The following PAPPA2 variants were observed in gnomAD, a reference collection of about 807,000 sequenced individuals.
PAPPA2 encodes the protein pappalysin-2.
A neutral mutation model predicts 176.4 loss-of-function variants in PAPPA2; 86 were observed. That is an observed-to-expected ratio of 0.49 (90% confidence interval 0.41 to 0.58). The LOEUF is 0.58. Among genes scored for constraint, PAPPA2 ranks in the 20% least tolerant of loss-of-function variants. The pLI, the probability that PAPPA2 is intolerant of heterozygous loss-of-function variation, is 0.00. For synonymous variants in PAPPA2, 809 were observed against 852.2 expected, an observed-to-expected ratio of 0.95 and a Z score of 0.88; for missense variants, 2,073 against 2,256.9, an observed-to-expected ratio of 0.92 and a Z score of 1.65.
chr1:176,825,994 G>T, intron 21 of PAPPA2, among the ~76,000 whole-genome samples: 1 of 152,102 alleles, frequency 6.6e-6, no homozygotes, highest in East Asian at 1.9e-4. Context: ...AGCATTCCAC[G>T]TCACGCTATG....
rs75132062 is a variant in PAPPA2, at chr1:176,470,541, C to T, written c.-917+7123C>T. ...AATGATCAGGCCAGTAGACACCAGCCAGAAATTAGGCTGACTCTAGGCTGC... is the reference window on the plus strand; with the variant it reads ...AATGATCAGGCCAGTAGACACCAGCTAGAAATTAGGCTGACTCTAGGCTGC... On this transcript the variant is annotated intron_variant, in intron 1 of 22. Coordinates refer to ENST00000367662, the MANE Select transcript of PAPPA2 (RefSeq NM_020318.3). Among the ~76,000 whole-genome samples the T allele has an allele frequency of 2.8e-3, 427 of 152,180 alleles. 2 individuals carry two copies. Among genetic ancestry groups the T allele is most frequent in the Non-Finnish European group, 2.6e-3 (180 of 68,006 alleles).
In PAPPA2 at chr1:176,594,826, C is replaced by T; in HGVS notation, c.1222C>T (p.Leu408=). ...CATGGCATCTTGCCGCTCTTTGCTC[C>T]TGGGGGGAGACAGCTCTGAGGATGG... ...PFMASCRSLL[L]GGDSSEDGHY... The change falls in exon 3 of 23, where the codon CTG becomes TTG. Residue 408 remains leucine (L), a synonymous_variant. Coordinates refer to ENST00000367662, the MANE Select transcript of PAPPA2 (RefSeq NM_020318.3). 1 of 1,614,212 alleles carries T rather than the reference C, an allele frequency of 6.2e-7. No homozygotes were observed. The highest frequency in any genetic ancestry group is 8.5e-7 in the Non-Finnish European group (1 of 1,180,036).
At chr1:176,531,141 A>G (rs536887721) in intron 1 of PAPPA2, among the ~76,000 whole-genome samples, 1 of 152,336 alleles carries the variant, frequency 6.6e-6, no homozygotes, top group South Asian at 2.1e-4. Context: ...CTTTTGATGT[A>G]AACAGGAGTG....
chr1:176,755,146 C>T (rs972134360), intron 14 of PAPPA2, among the ~76,000 whole-genome samples: 12 of 152,254 alleles, frequency 7.9e-5, no homozygotes, highest in African/African-American at 2.4e-4. Flanking sequence ...GACTGACAAA[C>T]TCTAGGATTA....
At chr1:176,618,215 C>G (rs1053331346) in intron 3 of PAPPA2, among the ~76,000 whole-genome samples, 1 of 152,052 alleles carries the variant, frequency 6.6e-6, no homozygotes, top group Non-Finnish European at 1.5e-5. Context: ...TAAGCTAAAC[C>G]TTGAACTTGG....
At chr1:176,586,347 G>C (rs1220989632) in intron 2 of PAPPA2, among the ~76,000 whole-genome samples, 4 of 152,046 alleles carry the variant, frequency 2.6e-5, no homozygotes, top group Admixed American at 2.0e-4. Flanking sequence ...AAAAAATAGG[G>C]ATACATGTGC....
chr1:176,600,730 C>G (rs1288025030), intron 3 of PAPPA2, among the ~76,000 whole-genome samples: 1 of 149,438 alleles, frequency 6.7e-6, no homozygotes, highest in Non-Finnish European at 1.5e-5. Flanking sequence ...TTCCATTATA[C>G]TGTTACTCTG....
intron 12 of PAPPA2, among the ~76,000 whole-genome samples, chr1:176,727,191 T>A (rs1195990196): frequency 6.6e-6 from 1 of 151,988 alleles, no homozygotes; most frequent in African/African-American, 2.4e-5. Flanking sequence ...CAACAGAAAA[T>A]AAATACCAAG....
intron 1 of PAPPA2, among the ~76,000 whole-genome samples, chr1:176,539,603 C>T (rs1650262028): frequency 1.3e-5 from 2 of 152,164 alleles, no homozygotes; most frequent in African/African-American, 4.8e-5. Flanking sequence ...GGTTATGACT[C>T]CAGCTGAGTG....
chr1:176,546,325 A>T (rs1381681481), intron 1 of PAPPA2, among the ~76,000 whole-genome samples: 1 of 152,042 alleles, frequency 6.6e-6, no homozygotes, highest in Non-Finnish European at 1.5e-5. Context: ...GTGTTACTTT[A>T]TTTTCTCTTC....
Position 176,616,167 on chromosome 1 carries a change from C to T in PAPPA2, c.1991+20572C>T, listed in dbSNP as rs879839185. ...CTGCCTGTCAGTACTCCTATGGAAGCTTCATTAGACTTACTCGCTAAGCCA... is the reference window on the plus strand; with the variant it reads ...CTGCCTGTCAGTACTCCTATGGAAGTTTCATTAGACTTACTCGCTAAGCCA... On this transcript the variant is annotated intron_variant, in intron 3 of 22. Coordinates refer to ENST00000367662, the MANE Select transcript of PAPPA2 (RefSeq NM_020318.3). The T allele has an allele frequency of 2.4e-5, 8 of 332,456 alleles. No homozygotes were observed. In the Admixed American group the frequency reaches 2.7e-4, roughly 11 times the overall value. 20.6% of individuals were successfully genotyped at this position (332,456 alleles called of 1,614,324 possible).
intron 3 of PAPPA2, among the ~76,000 whole-genome samples, chr1:176,602,670 G>A (rs1654395420): frequency 6.6e-6 from 1 of 152,024 alleles, no homozygotes; most frequent in African/African-American, 2.4e-5. Flanking sequence ...GTAGAAGAGG[G>A]CAGGAAGAAA....
chr1:176,464,607 A>G (rs924410386), intron 1 of PAPPA2, among the ~76,000 whole-genome samples: 1 of 152,200 alleles, frequency 6.6e-6, no homozygotes, highest in African/African-American at 2.4e-5. Context: ...ACAAAGATGA[A>G]AAGATATAGC....
chr1:176,610,704 A>G (rs1320605271), intron 3 of PAPPA2, among the ~76,000 whole-genome samples: 2 of 152,198 alleles, frequency 1.3e-5, no homozygotes, highest in Non-Finnish European at 2.9e-5. Flanking sequence ...TGATTAAGAT[A>G]GTAAAATGGC....
chr1:176,609,501 A>C (rs1329807036), intron 3 of PAPPA2, among the ~76,000 whole-genome samples: 1 of 152,236 alleles, frequency 6.6e-6, no homozygotes. Flanking sequence ...AAGTGTATCC[A>C]TAGAAAGTCT....
rs532194805 is a variant in PAPPA2 at position 176,698,431 on chromosome 1, A to G, written c.2747-669A>G. On this transcript the variant is annotated intron_variant, in intron 7 of 22. Transcript: ENST00000367662. ...AAAACCATTTGGGTAGATTACTTCC[A>G]TGGAGCTGACTTTCATAGATTCGTG... 2.0e-5 allele frequency among the ~76,000 whole-genome samples: 3 copies of G among 152,316 alleles called. No individual in the cohort carries two copies. In the East Asian group the frequency reaches 5.8e-4, roughly 29 times the overall value.
chr1:176,792,216 C>T (rs1424269190), intron 19 of PAPPA2, among the ~76,000 whole-genome samples: 1 of 152,202 alleles, frequency 6.6e-6, no homozygotes, highest in East Asian at 1.9e-4. Flanking sequence ...TCTTCGTGGC[C>T]AGAGCTGATT....
chr1:176,595,972 C>T (rs1427564569), intron 3 of PAPPA2, among the ~76,000 whole-genome samples: 1 of 152,196 alleles, frequency 6.6e-6, no homozygotes, highest in Non-Finnish European at 1.5e-5. Flanking sequence ...AGACACCAGT[C>T]AATACTAATT....
chr1:176,540,383 C>T (rs1412799128), intron 1 of PAPPA2, among the ~76,000 whole-genome samples: 1 of 152,194 alleles, frequency 6.6e-6, no homozygotes, highest in Non-Finnish European at 1.5e-5. Context: ...TTTGAAATGC[C>T]CTTGATTACT....
Sources: gnomAD v4.1 joint callset for allele counts (sites outside exome capture counted in the v4.1 genomes callset) on GRCh38, gnomAD v4.1.1 for gene constraint, MANE v1.5 for transcripts, NCBI Gene and HGNC (gene_info 2026-07-23, HGNC 2026-07-21) for gene names.